Variants in TIMP2 observed in about 807,000 individuals in gnomAD.
TIMP2 encodes metalloproteinase inhibitor 2.
TIMP2 carries 5 observed loss-of-function variants against 24.3 expected under a neutral mutation model. That is an observed-to-expected ratio of 0.21 (90% CI 0.11 to 0.43). The LOEUF is 0.43. Ranked by LOEUF, TIMP2 falls within the 20% of genes least tolerant of loss-of-function variation. TIMP2 has a pLI of 1.00. For missense variants in TIMP2, 221 were observed against 297.5 expected (o/e 0.74, Z 1.89); for synonymous variants, 130 against 123.2 (o/e 1.06, Z -0.37).
intron 3 of TIMP2, among the ~76,000 whole-genome samples, chr17:78,861,917 T>C (rs947444885): frequency 2.6e-5 from 4 of 152,160 alleles, no homozygotes; most frequent in East Asian, 1.9e-4. Flanking sequence ...GTGGCTGTCA[T>C]GTATAAATGT....
chr17:78,889,442 T>G (rs1294603351), intron 1 of TIMP2, among the ~76,000 whole-genome samples: 1 of 152,244 alleles, frequency 6.6e-6, no homozygotes, highest in African/African-American at 2.4e-5. Context: ...TAAGAATGTA[T>G]TAAGCGACGT....
Position 78,920,019 on chromosome 17 carries a change from G to T in TIMP2, c.130+4940C>A, listed in dbSNP as rs551592056. 6.6e-6 allele frequency among the ~76,000 whole-genome samples: 1 copy of T among 152,194 alleles called. No individual in the cohort carries two copies. The highest frequency in any genetic ancestry group is 1.5e-5 in the Non-Finnish European group (1 of 68,012). On this transcript the variant is annotated intron_variant, in intron 1 of 4. Transcript: ENST00000262768. The surrounding 1 kb of genome is among the most constrained non-coding windows in gnomAD (Gnocchi z 4.5). Reference sequence around the variant, plus strand: ...TTCTTATCTCCTCCTCCCTGCTGTTGCATCCCTCCTCGCAGCTGCCTGGGA... The same window carrying T: ...TTCTTATCTCCTCCTCCCTGCTGTTTCATCCCTCCTCGCAGCTGCCTGGGA...
At chr17:78,919,085 G>A (rs1599179222) in intron 1 of TIMP2, among the ~76,000 whole-genome samples, 2 of 152,206 alleles carry the variant, frequency 1.3e-5, no homozygotes, top group East Asian at 1.9e-4. Context: ...CTCCGGAGAC[G>A]ACTGGTCTAT....
At chr17:78,914,279 T>TTATTTATTTATA (rs2070235927) in intron 1 of TIMP2, among the ~76,000 whole-genome samples, 1 of 138,140 alleles carries the variant, frequency 7.2e-6, no homozygotes. Context: ...ATTTATTTAT[T>TTATTTATTTATA]TATTTATTTA....
intron 4 of TIMP2, chr17:78,857,263 C>G: frequency 2.2e-6 from 1 of 444,720 alleles, no homozygotes; most frequent in Non-Finnish European, 4.1e-6. Flanking sequence ...GCCGGGATTA[C>G]AGGCGTGAGC....
intron 3 of TIMP2, among the ~76,000 whole-genome samples, chr17:78,866,426 C>T (rs2069616954): frequency 6.6e-6 from 1 of 151,874 alleles, no homozygotes; most frequent in African/African-American, 2.4e-5. Flanking sequence ...ATAGATAATA[C>T]TGGGCGTGTA....
chr17:78,855,932 G>C lies in TIMP2; in HGVS notation c.466-68C>G. On this transcript the variant is annotated intron_variant, in intron 4 of 4. Coordinates refer to ENST00000262768, the MANE Select transcript of TIMP2 (RefSeq NM_003255.5). The surrounding 1 kb of genome is among the most constrained non-coding windows in gnomAD (Gnocchi z 6.0). ...GAAGGGGTGGGCAGAGGCTGCTCTG[G>C]GGGCATGTCCAGAACCCGGCAATGT... 1 of 1,530,428 alleles carries C rather than the reference G, an allele frequency of 6.5e-7. No homozygotes were observed. The highest frequency in any genetic ancestry group is 1.7e-5 in the Admixed American group (1 of 59,458). The allele number at this position is 1,530,428 out of a possible 1,614,324, so 94.8% of individuals were successfully genotyped here. A position where few individuals can be genotyped will look rare whatever the true frequency, so the allele number is the denominator to read the frequency against.
chr17:78,902,348 T>A (rs2070107388), intron 1 of TIMP2, among the ~76,000 whole-genome samples: 1 of 152,220 alleles, frequency 6.6e-6, no homozygotes. Context: ...CCTCAGGTGA[T>A]CCACTCGCCT....
At chr17:78,890,594 C>T in intron 1 of TIMP2, 1 of 1,520,964 alleles carries the variant, frequency 6.6e-7, no homozygotes, top group Non-Finnish European at 8.9e-7. Context: ...GTGCTGGCAG[C>T]ACCATTATCA....
At position 78,891,234 on chromosome 17, in the gene TIMP2, T is replaced by A; in HGVS notation, c.131-17315A>T. On this transcript the variant is annotated intron_variant, in intron 1 of 4. Transcript: ENST00000262768. The surrounding 1 kb of genome is among the most constrained non-coding windows in gnomAD (Gnocchi z 4.5). ...TTCTGGGCCTTGCCCATGAACGTTT[T>A]CAAGTCGGTCTTGGACGCTGCCTGC... The A allele has an allele frequency of 6.4e-7, 1 of 1,550,700 alleles. No individual in the cohort carries two copies. Among genetic ancestry groups the A allele is most frequent in the Non-Finnish European group, 8.7e-7 (1 of 1,147,016 alleles).
At chr17:78,876,655 T>C (rs1026640347) in intron 1 of TIMP2, among the ~76,000 whole-genome samples, 1 of 152,092 alleles carries the variant, frequency 6.6e-6, no homozygotes, top group South Asian at 2.1e-4. Context: ...TAGCTGGGGT[T>C]ACAGGTAACT....
At chr17:78,877,464 G>C (rs564561300) in intron 1 of TIMP2, among the ~76,000 whole-genome samples, 1 of 151,966 alleles carries the variant, frequency 6.6e-6, no homozygotes, top group African/African-American at 2.4e-5. Flanking sequence ...CAGGAGAATC[G>C]CTTGAACCCA....
intron 3 of TIMP2, among the ~76,000 whole-genome samples, chr17:78,866,792 T>G (rs2145750734): frequency 2.0e-5 from 3 of 152,170 alleles, no homozygotes; most frequent in Admixed American, 2.0e-4. Context: ...GGGTCACACG[T>G]ATGATTCCGT....
At chr17:78,912,011 C>A (rs1455272463) in intron 1 of TIMP2, among the ~76,000 whole-genome samples, 1 of 151,344 alleles carries the variant, frequency 6.6e-6, no homozygotes, top group African/African-American at 2.4e-5. Flanking sequence ...ATGCAGTGAG[C>A]CAAGATTGTG....
chr17:78,897,105 C>T (rs1289261485), intron 1 of TIMP2: 3 of 552,714 alleles, frequency 5.4e-6, no homozygotes, highest in Non-Finnish European at 6.9e-6. Context: ...ACCCCCCCGC[C>T]CCCCGCCGGC....
At chr17:78,879,664 T>C (rs2069761315) in intron 1 of TIMP2, among the ~76,000 whole-genome samples, 2 of 152,184 alleles carry the variant, frequency 1.3e-5, no homozygotes, top group East Asian at 1.9e-4. Flanking sequence ...GGCCTCTCCC[T>C]GGGCGTCTCA....
intron 1 of TIMP2, among the ~76,000 whole-genome samples, chr17:78,905,406 T>G (rs1033836322): frequency 5.3e-5 from 8 of 152,248 alleles, no homozygotes; most frequent in African/African-American, 1.9e-4. Flanking sequence ...GCCTATTGGT[T>G]CTGTTTCTCT....
At chr17:78,912,134 C>T (rs763016304) in intron 1 of TIMP2, among the ~76,000 whole-genome samples, 6 of 152,120 alleles carry the variant, frequency 3.9e-5, no homozygotes, top group Non-Finnish European at 7.3e-5. Context: ...AAGAGGAAAC[C>T]AAGGCTCAGA....
chr17:78,877,331 C>T (rs183567188), intron 1 of TIMP2, among the ~76,000 whole-genome samples: 275 of 152,352 alleles, frequency 1.8e-3, no homozygotes, highest in African/African-American at 6.3e-3. Context: ...ATAATCCCAG[C>T]ACTTCGGGAG....
Sources: allele counts gnomAD v4.1 joint callset (sites outside exome capture counted in the v4.1 genomes callset), GRCh38; gene constraint gnomAD v4.1.1; non-coding constraint Gnocchi (gnomAD v3.1); transcripts MANE v1.5; gene names NCBI Gene and HGNC (gene_info 2026-07-23, HGNC 2026-07-21).